Variants in UNC5C observed in about 807,000 individuals in gnomAD.
UNC5C encodes netrin receptor UNC5C.
Under a neutral mutation model 99.8 loss-of-function variants are expected in UNC5C, and 47 were observed. That is an observed-to-expected ratio of 0.47 (90% CI 0.37 to 0.60). The LOEUF (loss-of-function observed/expected upper bound fraction) is 0.60, where lower values mean the gene tolerates loss of function less well. UNC5C is among the 20% of genes least tolerant of loss of function. The pLI is 0.00. For synonymous variants in UNC5C, 487 were observed against 452.2 expected (o/e 1.08, Z -0.98); for missense variants, 1,062 against 1,165.9 (o/e 0.91, Z 1.30).
At chr4:95,212,791 C>A (rs2149364856) in intron 10 of UNC5C, among the ~76,000 whole-genome samples, 1 of 152,336 alleles carries the variant, frequency 6.6e-6, no homozygotes, top group Non-Finnish European at 1.5e-5. Context: ...ATTCTTGAAT[C>A]TATTCTGTGT....
intron 2 of UNC5C, among the ~76,000 whole-genome samples, chr4:95,308,523 C>T (rs1041611924): frequency 2.6e-4 from 39 of 151,848 alleles, no homozygotes; most frequent in African/African-American, 8.7e-4. Context: ...GAGGCTGAGG[C>T]GGGCAGATCA....
At chr4:95,307,991 CA>C (rs1742121189) in intron 2 of UNC5C, among the ~76,000 whole-genome samples, 1 of 152,138 alleles carries the variant, frequency 6.6e-6, no homozygotes, top group African/African-American at 2.4e-5. Flanking sequence ...CTATATATGA[CA>C]AGCCCAGACC....
intron 1 of UNC5C, among the ~76,000 whole-genome samples, chr4:95,420,096 C>T (rs943573151): frequency 6.6e-6 from 1 of 152,074 alleles, no homozygotes; most frequent in African/African-American, 2.4e-5. Flanking sequence ...ACAAAGCATC[C>T]ATAAGCAATT....
At chr4:95,285,220 C>CT (rs1381227179) in intron 3 of UNC5C, among the ~76,000 whole-genome samples, 2 of 152,024 alleles carry the variant, frequency 1.3e-5, no homozygotes, top group Admixed American at 6.6e-5. Context: ...CACATAATAA[C>CT]TTTTTTTAAG....
At chr4:95,212,766 A>T (rs917881264) in intron 10 of UNC5C, among the ~76,000 whole-genome samples, 13 of 152,264 alleles carry the variant, frequency 8.5e-5, no homozygotes, top group African/African-American at 2.6e-4. Context: ...CAATTGTCAC[A>T]GTGCCCCAGG....
chr4:95,473,590 T>A (rs1239994577), intron 1 of UNC5C, among the ~76,000 whole-genome samples: 1 of 152,152 alleles, frequency 6.6e-6, no homozygotes, highest in Non-Finnish European at 1.5e-5. Flanking sequence ...GATACAGGTA[T>A]AATCCATGGT....
intron 7 of UNC5C, among the ~76,000 whole-genome samples, chr4:95,233,607 GA>G (rs1223486722): frequency 6.6e-6 from 1 of 152,120 alleles, no homozygotes; most frequent in African/African-American, 2.4e-5. Context: ...TGCTATCCAT[GA>G]CAAATAGATC....
chr4:95,421,364 C>T (rs1746313366), intron 1 of UNC5C, among the ~76,000 whole-genome samples: 1 of 152,180 alleles, frequency 6.6e-6, no homozygotes, highest in African/African-American at 2.4e-5. Flanking sequence ...CCTACATTGC[C>T]ACCCTTCATT....
At position 95,411,163 on chromosome 4, in the gene UNC5C, G is replaced by A. The variant is rs182676445; in HGVS notation, c.125-75532C>T. Among the ~76,000 whole-genome samples the A allele has an allele frequency of 1.6e-4, 25 of 152,258 alleles. 1 individual carries two copies. Among genetic ancestry groups the A allele is most frequent in the Admixed American group, 9.2e-4 (14 of 15,294 alleles). The stretch of plus-strand genomic sequence containing the variant: ...GACAAACCAGAGAATGACCAGGACA[G>A]GGAAGATGGATGTCTTCCAATGTCT... On this transcript the variant is annotated intron_variant, in intron 1 of 15. Transcript: ENST00000453304.
chr4:95,197,929 A>C (rs187012267), intron 12 of UNC5C, among the ~76,000 whole-genome samples: 79 of 150,606 alleles, frequency 5.2e-4, no homozygotes, highest in Non-Finnish European at 1.0e-3. Context: ...GGGTAAGACC[A>C]GGGGAGGGTT....
intron 1 of UNC5C, among the ~76,000 whole-genome samples, chr4:95,336,769 A>G (rs1743365841): frequency 6.6e-6 from 1 of 151,946 alleles, no homozygotes; most frequent in South Asian, 2.1e-4. Flanking sequence ...AGCTGCCCAC[A>G]GTAGTAAATT....
intron 4 of UNC5C, among the ~76,000 whole-genome samples, chr4:95,255,271 T>C (rs1739920658): frequency 6.6e-6 from 1 of 152,170 alleles, no homozygotes; most frequent in South Asian, 2.1e-4. Context: ...TGAGCCACCA[T>C]GCCCGGCACC....
At chr4:95,544,768 T>TA (rs943127114) in intron 1 of UNC5C, among the ~76,000 whole-genome samples, 3 of 152,154 alleles carry the variant, frequency 2.0e-5, no homozygotes, top group Admixed American at 6.5e-5. Flanking sequence ...AAAGTCAAAC[T>TA]AAAAAAATAT....
intron 7 of UNC5C, among the ~76,000 whole-genome samples, chr4:95,230,255 T>C (rs904159175): frequency 6.6e-6 from 1 of 152,190 alleles, no homozygotes; most frequent in Non-Finnish European, 1.5e-5. Context: ...TTTTGAGAAA[T>C]GTCTGTTCTT....
chr4:95,525,889 A>G (rs1722487644), intron 1 of UNC5C, among the ~76,000 whole-genome samples: 1 of 152,124 alleles, frequency 6.6e-6, no homozygotes, highest in Non-Finnish European at 1.5e-5. Context: ...AACAAATCTT[A>G]ATTTCTAGGC....
intron 2 of UNC5C, among the ~76,000 whole-genome samples, chr4:95,314,721 A>G (rs1742407758): frequency 6.6e-6 from 1 of 152,188 alleles, no homozygotes; most frequent in African/African-American, 2.4e-5. Flanking sequence ...GCTGCTATTC[A>G]AGGCTCTTCA....
chr4:95,347,904 C>G (rs1743838929), intron 1 of UNC5C, among the ~76,000 whole-genome samples: 1 of 151,968 alleles, frequency 6.6e-6, no homozygotes, highest in Non-Finnish European at 1.5e-5. Context: ...CAAAAATGGA[C>G]AAATGGGTTC....
At chr4:95,393,651 G>A (rs1378876883) in intron 1 of UNC5C, among the ~76,000 whole-genome samples, 2 of 152,004 alleles carry the variant, frequency 1.3e-5, no homozygotes, top group East Asian at 1.9e-4. Flanking sequence ...TATCCATCTT[G>A]ACCCTGAATT....
chr4:95,486,787 A>G (rs1014936416), intron 1 of UNC5C, among the ~76,000 whole-genome samples: 1 of 151,586 alleles, frequency 6.6e-6, no homozygotes, highest in African/African-American at 2.4e-5. Context: ...TATAGAACTT[A>G]TCACAATGTA....
Sources: gnomAD v4.1 joint callset for allele counts (sites outside exome capture counted in the v4.1 genomes callset) on GRCh38, gnomAD v4.1.1 for gene constraint, MANE v1.5 for transcripts, NCBI Gene and HGNC (gene_info 2026-07-23, HGNC 2026-07-21) for gene names.